The following PPM1H variants were observed in gnomAD, a reference collection of about 807,000 sequenced individuals.
PPM1H encodes the protein protein phosphatase, Mg2+/Mn2+ dependent 1H.
Under a neutral mutation model 54.9 loss-of-function variants are expected in PPM1H, and 27 were observed. The observed-to-expected ratio is 0.49, with a 90% CI of 0.36 to 0.68. The LOEUF (loss-of-function observed/expected upper bound fraction) is 0.68, where lower values mean the gene tolerates loss of function less well. PPM1H is among the 30% of genes least tolerant of loss of function. PPM1H has a pLI of 0.00. For synonymous variants in PPM1H, 305 were observed against 270.8 expected, an observed-to-expected ratio of 1.13 and a Z score of -1.24; for missense variants, 596 against 667.8, an observed-to-expected ratio of 0.89 and a Z score of 1.19.
At chr12:62,773,203 C>T (rs768776098) in intron 4 of PPM1H, among the ~76,000 whole-genome samples, 20 of 151,942 alleles carry the variant, frequency 1.3e-4, no homozygotes, top group Non-Finnish European at 1.9e-4. Flanking sequence ...GCCTGGGTGC[C>T]GTGGCTTAGG....
At chr12:62,735,225 G>C (rs2076344216) in intron 5 of PPM1H, among the ~76,000 whole-genome samples, 1 of 151,516 alleles carries the variant, frequency 6.6e-6, no homozygotes, top group East Asian at 1.9e-4. Flanking sequence ...TTTTTTTAAA[G>C]AGACAAGGTC....
chr12:62,899,036 T>C (rs1871080684), intron 1 of PPM1H, among the ~76,000 whole-genome samples: 1 of 152,204 alleles, frequency 6.6e-6, no homozygotes, highest in African/African-American at 2.4e-5. Context: ...GATCAGTATG[T>C]GAAGCCGGGA....
At chr12:62,900,413 T>C (rs562498893) in intron 1 of PPM1H, among the ~76,000 whole-genome samples, 110 of 152,014 alleles carry the variant, frequency 7.2e-4, no homozygotes, top group African/African-American at 1.6e-3. Context: ...GGAGGGATAG[T>C]ATTAGGAGAT....
intron 4 of PPM1H, chr12:62,755,620 A>T (rs1592581844): frequency 3.1e-6 from 2 of 654,396 alleles, no homozygotes; most frequent in South Asian, 3.3e-5. Flanking sequence ...CATGTCTGTG[A>T]TGGGCATGAA....
chr12:62,703,485 G>C (rs914789817), intron 6 of PPM1H, among the ~76,000 whole-genome samples: 1 of 150,222 alleles, frequency 6.7e-6, no homozygotes, highest in African/African-American at 2.5e-5. Flanking sequence ...GTCCTAGCCC[G>C]GCAGAGGCAC....
chr12:62,750,090 T>C (rs2076433902), intron 4 of PPM1H, among the ~76,000 whole-genome samples: 1 of 151,900 alleles, frequency 6.6e-6, no homozygotes, highest in African/African-American at 2.4e-5. Context: ...AAAAGAGGTC[T>C]ATGTGTTTGT....
chr12:62,860,740 A>G (rs1869568803), intron 1 of PPM1H, among the ~76,000 whole-genome samples: 2 of 152,110 alleles, frequency 1.3e-5, no homozygotes, highest in Non-Finnish European at 2.9e-5. Context: ...TTACAACATC[A>G]CTATAACCTC....
intron 2 of PPM1H, among the ~76,000 whole-genome samples, chr12:62,802,950 A>G (rs143263045): frequency 6.6e-6 from 1 of 152,164 alleles, no homozygotes; most frequent in East Asian, 1.9e-4. Flanking sequence ...GGGGCCTTGG[A>G]AAAACGCCCT....
intron 3 of PPM1H, among the ~76,000 whole-genome samples, chr12:62,795,084 T>C (rs1026748752): frequency 1.3e-5 from 2 of 152,154 alleles, no homozygotes; most frequent in Non-Finnish European, 2.9e-5. Flanking sequence ...CCAGTGGTCA[T>C]AGGTCACCTT....
At chr12:62,791,133 G>A (rs1209519530) in intron 3 of PPM1H, among the ~76,000 whole-genome samples, 1 of 152,038 alleles carries the variant, frequency 6.6e-6, no homozygotes, top group African/African-American at 2.4e-5. Context: ...ATGAAAAATG[G>A]ATTCCACAAT....
At chr12:62,835,567 A>G (rs1191186223) in intron 1 of PPM1H, among the ~76,000 whole-genome samples, 1 of 152,238 alleles carries the variant, frequency 6.6e-6, no homozygotes, top group Non-Finnish European at 1.5e-5. Flanking sequence ...GTAGCTTATG[A>G]ATAGCACTAA....
chr12:62,862,362 G>T (rs112348639), intron 1 of PPM1H, among the ~76,000 whole-genome samples: 1 of 152,186 alleles, frequency 6.6e-6, no homozygotes, highest in African/African-American at 2.4e-5. Flanking sequence ...AGATATAAGG[G>T]CTTTTCACTA....
chr12:62,666,652 A>G (rs543202896), intron 9 of PPM1H, among the ~76,000 whole-genome samples: 4 of 152,192 alleles, frequency 2.6e-5, no homozygotes, highest in Admixed American at 2.6e-4. Flanking sequence ...CAAACACTCA[A>G]ATTCTTTACC....
chr12:62,678,376 A>G (rs1009680642), intron 8 of PPM1H, among the ~76,000 whole-genome samples: 12 of 152,258 alleles, frequency 7.9e-5, no homozygotes, highest in Non-Finnish European at 1.2e-4. Flanking sequence ...TCAGAGGGCA[A>G]CAATCTCCAA....
At chr12:62,660,359 T>C (rs906078414) in intron 9 of PPM1H, among the ~76,000 whole-genome samples, 2 of 152,078 alleles carry the variant, frequency 1.3e-5, no homozygotes, top group Non-Finnish European at 2.9e-5. Context: ...TGTATGAAAC[T>C]ACAAAAGACC....
chr12:62,800,246 G>A (rs2663955), intron 3 of PPM1H, among the ~76,000 whole-genome samples: 21,635 of 152,046 alleles, frequency 0.14, 2,227 homozygotes, highest in African/African-American at 0.3. Context: ...CATGCACCAT[G>A]TGCCTATCCG....
intron 3 of PPM1H, among the ~76,000 whole-genome samples, chr12:62,796,593 T>C (rs2076735673): frequency 6.6e-6 from 1 of 152,138 alleles, no homozygotes; most frequent in African/African-American, 2.4e-5. Context: ...CACGTGACCC[T>C]CCAGGGACCT....
chr12:62,838,338 T>TG (rs369140482), intron 1 of PPM1H, among the ~76,000 whole-genome samples: 1,578 of 93,238 alleles, frequency 0.017, 22 homozygotes, highest in Non-Finnish European at 0.021. Flanking sequence ...TGTGTGTGTG[T>TG]GGGGGGGGGG....
chr12:62,685,185 G>A (rs80305679), intron 8 of PPM1H, among the ~76,000 whole-genome samples: 19 of 152,098 alleles, frequency 1.2e-4, no homozygotes, highest in Admixed American at 2.6e-4. Flanking sequence ...GTCTGGTCTC[G>A]GTTTGCACAC....
Sources: allele counts gnomAD v4.1 joint callset (sites outside exome capture counted in the v4.1 genomes callset), GRCh38; gene constraint gnomAD v4.1.1; transcripts MANE v1.5; gene names NCBI Gene and HGNC (gene_info 2026-07-23, HGNC 2026-07-21).